Variants in PALLD observed in about 807,000 individuals in gnomAD.
PALLD encodes palladin, cytoskeletal associated protein, also known as palladin.
In PALLD, 61 loss-of-function variants were observed where a neutral mutation model predicts 123.5. That is an observed-to-expected ratio of 0.49 (90% CI 0.40 to 0.61). The LOEUF is 0.61. Ranked by LOEUF, PALLD falls within the 20% of genes least tolerant of loss-of-function variation. PALLD has a pLI of 0.00. For synonymous variants in PALLD, 465 were observed against 496.4 expected (o/e 0.94, Z 0.84); for missense variants, 1,273 against 1,377.0 (o/e 0.92, Z 1.20).
Position 168,925,238 on chromosome 4 carries a change from C to T in PALLD, c.3364C>T (p.Arg1122Ter), listed in dbSNP as rs145720372. 1.1e-5 allele frequency: 17 copies of T among 1,607,748 alleles called. No homozygotes were observed. The East Asian group carries it at 1.8e-4, about 17-fold the overall frequency. ...CTCTCTCTTTCTATTTGTAGTTTCT[C>T]GACATTAATAGTGAACCACACCAGG... The part of the protein sequence containing the change: ...CTARLDVYIS[R>*]H The change falls in exon 21 of 22, where the codon CGA (arginine) becomes TGA (stop). Residue 1122 changes from arginine to a stop codon, truncating the protein, a stop_gained. Transcript: ENST00000505667. LOFTEE classifies it high-confidence loss of function.
At chr4:168,664,436 T>G (rs1358821055) in intron 2 of PALLD, among the ~76,000 whole-genome samples, 1 of 152,220 alleles carries the variant, frequency 6.6e-6, no homozygotes, top group Middle Eastern at 3.2e-3. Context: ...ATAAAACTCT[T>G]CAGCAACCGC....
intron 2 of PALLD, among the ~76,000 whole-genome samples, chr4:168,590,578 G>C (rs1015014756): frequency 6.6e-6 from 1 of 152,162 alleles, no homozygotes; most frequent in African/African-American, 2.4e-5. Flanking sequence ...GAAATATTTA[G>C]TGGCTTTTAA....
chr4:168,801,558 G>A lies in PALLD; in HGVS notation c.1965-89364G>A, dbSNP rs182168826. 1.3e-4 allele frequency among the ~76,000 whole-genome samples: 20 copies of A among 152,292 alleles called. No individual in the cohort carries two copies. The South Asian group carries it at 1.5e-3, about 11-fold the overall frequency. ...CTCCCAAAGTGCTGGGATCACAAGC[G>A]TGAGCCACCACGCCCAGCCTGTAAA... On this transcript the variant is annotated intron_variant, in intron 10 of 21. Coordinates refer to ENST00000505667, the MANE Select transcript of PALLD (RefSeq NM_001166108.2).
intron 2 of PALLD, among the ~76,000 whole-genome samples, chr4:168,628,412 C>T (rs956674582): frequency 1.3e-5 from 2 of 152,216 alleles, no homozygotes; most frequent in African/African-American, 4.8e-5. Context: ...GGGTCCTACA[C>T]CATCTGGCTG....
At position 168,512,381 on chromosome 4, in the gene PALLD, A is replaced by G. The variant is rs920102110; in HGVS notation, c.877A>G (p.Arg293Gly). ...AEGSRVYLEC[R>G]VTGNPTPRVR... ...AGGGAGCCGAGTTTATCTGGAGTGT[A>G]GAGTCACTGGAAACCCCACTCCTCG... The change falls in exon 2 of 22, where the codon AGA (arginine) becomes GGA (glycine). Residue 293 changes from arginine (R) to glycine (G), a missense_variant. Transcript: ENST00000505667. 6.2e-7 allele frequency: 1 copy of G among 1,613,668 alleles called. No homozygotes were observed. Among genetic ancestry groups the G allele is most frequent in the African/African-American group, 1.3e-5 (1 of 74,940 alleles).
intron 2 of PALLD, among the ~76,000 whole-genome samples, chr4:168,563,525 T>C (rs1351284513): frequency 1.3e-5 from 2 of 152,198 alleles, no homozygotes; most frequent in African/African-American, 4.8e-5. Context: ...TAAAACTATT[T>C]GCCAATTTTC....
chr4:168,526,118 T>A (rs1039847939), intron 2 of PALLD, among the ~76,000 whole-genome samples: 3 of 152,320 alleles, frequency 2.0e-5, no homozygotes, highest in Admixed American at 2.0e-4. Context: ...CCTTCCAGCA[T>A]AGAGTTCAGC....
chr4:168,525,394 G>C (rs1175010761), intron 2 of PALLD, among the ~76,000 whole-genome samples: 1 of 152,184 alleles, frequency 6.6e-6, no homozygotes, highest in Non-Finnish European at 1.5e-5. Context: ...ACATCAAAAG[G>C]AGAGAGATTC....
intron 2 of PALLD, among the ~76,000 whole-genome samples, chr4:168,518,294 C>G (rs1476411466): frequency 6.6e-6 from 1 of 152,216 alleles, no homozygotes; most frequent in African/African-American, 2.4e-5. Context: ...GCATTACCTT[C>G]CAACCCATCT....
At chr4:168,828,929 A>G (rs1391564301) in intron 10 of PALLD, 1 of 152,258 alleles carries the variant, frequency 6.6e-6, no homozygotes, top group East Asian at 1.9e-4. Flanking sequence ...TCTTATCTCA[A>G]ATCCACAGAG....
At chr4:168,899,872 C>T (rs915403079) in intron 14 of PALLD, among the ~76,000 whole-genome samples, 13 of 150,852 alleles carry the variant, frequency 8.6e-5, no homozygotes, top group African/African-American at 1.5e-4. Context: ...ACCAAGATCG[C>T]GCCATTGCAC....
intron 2 of PALLD, among the ~76,000 whole-genome samples, chr4:168,524,548 C>T (rs535942855): frequency 6.3e-4 from 96 of 152,130 alleles, no homozygotes; most frequent in African/African-American, 2.1e-3. Flanking sequence ...GTAATAATCA[C>T]GTCATCATAG....
rs1381829601 is a variant in PALLD, at chr4:168,844,721, A to C, written c.1965-46201A>C. Reference sequence around the variant, plus strand: ...ACTTCCTAATAAAGGGTGAACTCCAAATATTAAAAAGTTATTAACGTGCTT... The same window carrying C: ...ACTTCCTAATAAAGGGTGAACTCCACATATTAAAAAGTTATTAACGTGCTT... On this transcript the variant is annotated intron_variant, in intron 10 of 21. Coordinates refer to ENST00000505667, the MANE Select transcript of PALLD (RefSeq NM_001166108.2). The surrounding 1 kb of genome is among the most constrained non-coding windows in gnomAD (Gnocchi z 4.5). The C allele has an allele frequency of 6.6e-6, 1 of 152,234 alleles. No individual in the cohort carries two copies. The highest frequency in any genetic ancestry group is 2.4e-5 in the African/African-American group (1 of 41,462). The allele number at this position is 152,234 out of a possible 1,614,324, so 9.4% of individuals were successfully genotyped here.
rs139770198 is a variant in PALLD at position 168,800,593 on chromosome 4, A to C, written c.1964+88670A>C. On this transcript the variant is annotated intron_variant, in intron 10 of 21. Transcript: ENST00000505667. ...ACACCCATTTAATTGGCAAAAATTT[A>C]AGCCTGATAATACCAAGTTCTGGCA... 1.5e-4 allele frequency among the ~76,000 whole-genome samples: 23 copies of C among 152,318 alleles called. No individual in the cohort carries two copies. The East Asian group carries it at 4.4e-3, about 29-fold the overall frequency.
intron 10 of PALLD, among the ~76,000 whole-genome samples, chr4:168,814,551 A>G (rs1244694609): frequency 1.3e-5 from 2 of 152,186 alleles, no homozygotes; most frequent in African/African-American, 4.8e-5. Flanking sequence ...GGACGAAATT[A>G]CTTCCTCAAA....
chr4:168,794,231 C>G (rs912483552), intron 10 of PALLD, among the ~76,000 whole-genome samples: 2 of 152,134 alleles, frequency 1.3e-5, no homozygotes, highest in African/African-American at 4.8e-5. Context: ...TGGCCTGAGG[C>G]GAAACTCCTG....
intron 2 of PALLD, among the ~76,000 whole-genome samples, chr4:168,594,284 G>T (rs1771755916): frequency 6.6e-6 from 1 of 152,102 alleles, no homozygotes; most frequent in Non-Finnish European, 1.5e-5. Context: ...TTAGTCAAAG[G>T]CTGAATAAAT....
chr4:168,894,053 T>G (rs1410300618), intron 11 of PALLD: 1 of 167,460 alleles, frequency 6.0e-6, no homozygotes, highest in Admixed American at 5.7e-5. Context: ...CACATCTTCC[T>G]TTAGCTAAAC....
chr4:168,739,856 G>A (rs7698312), intron 10 of PALLD, among the ~76,000 whole-genome samples: 83,852 of 151,936 alleles, frequency 0.55, 23,379 homozygotes, highest in East Asian at 0.63. Context: ...TTTGTTTCAG[G>A]TTTACTTTAT....
Sources: allele counts gnomAD v4.1 joint callset (sites outside exome capture counted in the v4.1 genomes callset), GRCh38; gene constraint gnomAD v4.1.1; non-coding constraint Gnocchi (gnomAD v3.1); transcripts MANE v1.5; gene names NCBI Gene and HGNC (gene_info 2026-07-23, HGNC 2026-07-21).